Variants in FARS2 observed in about 807,000 individuals in gnomAD.
The protein encoded by FARS2 is phenylalanine--tRNA ligase, mitochondrial.
Under a neutral mutation model 46.4 loss-of-function variants are expected in FARS2, and 40 were observed. That is an observed-to-expected ratio of 0.86 (90% CI 0.67 to 1.12). The LOEUF (loss-of-function observed/expected upper bound fraction) is 1.12, where lower values mean the gene tolerates loss of function less well. FARS2 is among the 50% of genes most tolerant of loss of function. The pLI, the probability that FARS2 is intolerant of heterozygous loss-of-function variation, is 0.00. For missense variants in FARS2, 513 were observed against 567.9 expected (o/e 0.90, Z 0.98); for synonymous variants, 234 against 214.9 (o/e 1.09, Z -0.78).
In FARS2 at chr6:5,263,163, A is replaced by G. The variant is rs567912084; in HGVS notation, c.-22+1503A>G. ...ATTTTGCTTTTGAGAGTAAAGTTGG[A>G]ATAATTACTATATACAATTGTTTCT... On this transcript the variant is annotated intron_variant, in intron 1 of 6. Transcript: ENST00000274680. 2.6e-5 allele frequency among the ~76,000 whole-genome samples: 4 copies of G among 152,368 alleles called. No homozygotes were observed. The East Asian group carries it at 7.7e-4, about 29-fold the overall frequency.
At chr6:5,449,750 G>A (rs1054727250) in intron 4 of FARS2, among the ~76,000 whole-genome samples, 5 of 152,160 alleles carry the variant, frequency 3.3e-5, no homozygotes, top group South Asian at 2.1e-4. Flanking sequence ...TTCGTAATCC[G>A]AAAACTCGAA....
At chr6:5,598,197 G>A (rs1166026409) in intron 5 of FARS2, among the ~76,000 whole-genome samples, 3 of 152,064 alleles carry the variant, frequency 2.0e-5, no homozygotes, top group Admixed American at 6.6e-5. Context: ...GATGAGGCTA[G>A]ACAGCATAGT....
intron 4 of FARS2, among the ~76,000 whole-genome samples, chr6:5,475,060 A>G (rs1333063265): frequency 1.3e-5 from 2 of 152,220 alleles, no homozygotes; most frequent in Non-Finnish European, 2.9e-5. Flanking sequence ...AGGAAGAACC[A>G]TATACAAGGT....
intron 4 of FARS2, among the ~76,000 whole-genome samples, chr6:5,442,133 A>G (rs1763876942): frequency 1.3e-5 from 2 of 151,978 alleles, no homozygotes; most frequent in Non-Finnish European, 2.9e-5. Context: ...ATTAAATCAA[A>G]TGGTATATTG....
chr6:5,561,276 GT>G (rs200892482), intron 5 of FARS2, among the ~76,000 whole-genome samples: 4 of 151,642 alleles, frequency 2.6e-5, no homozygotes, highest in Non-Finnish European at 5.9e-5. Flanking sequence ...TACACACACT[GT>G]TTTTTTTGGC....
chr6:5,484,178 A>T (rs1159916177), intron 4 of FARS2, among the ~76,000 whole-genome samples: 2 of 152,218 alleles, frequency 1.3e-5, no homozygotes, highest in African/African-American at 4.8e-5. Flanking sequence ...TTATTTCTGG[A>T]TGGGCCAAGG....
At chr6:5,668,972 A>G (rs777197546) in intron 6 of FARS2, among the ~76,000 whole-genome samples, 1 of 152,086 alleles carries the variant, frequency 6.6e-6, no homozygotes, top group Non-Finnish European at 1.5e-5. Flanking sequence ...CTGGGATTAC[A>G]GGCATGAGCC....
chr6:5,542,632 A>T (rs1326332078), intron 4 of FARS2, among the ~76,000 whole-genome samples: 1 of 152,178 alleles, frequency 6.6e-6, no homozygotes, highest in Non-Finnish European at 1.5e-5. Context: ...TTCAGACCTT[A>T]CCAAATGTCC....
chr6:5,534,304 T>G (rs761079095), intron 4 of FARS2, among the ~76,000 whole-genome samples: 7 of 152,252 alleles, frequency 4.6e-5, no homozygotes, highest in Non-Finnish European at 7.3e-5. Context: ...ATTAGCCAGT[T>G]AAGCCATTTT....
At chr6:5,548,653 A>C (rs930067735) in intron 5 of FARS2, among the ~76,000 whole-genome samples, 2 of 152,230 alleles carry the variant, frequency 1.3e-5, no homozygotes, top group Non-Finnish European at 1.5e-5. Context: ...AAGATGAAAA[A>C]CACAGTTGCC....
rs369928942 is a variant in FARS2 at position 5,285,522 on chromosome 6, C to T, written c.-22+23862C>T. 5.9e-5 allele frequency among the ~76,000 whole-genome samples: 9 copies of T among 152,294 alleles called. No individual in the cohort carries two copies. In the South Asian group the frequency reaches 1.5e-3, roughly 25 times the overall value. ...GACTCGTAAAGCGTGTAGGAGGACA[C>T]GGAGGACCATGGGGGACTCATCTTT... On this transcript the variant is annotated intron_variant, in intron 1 of 6. Transcript: ENST00000274680.
intron 2 of FARS2, among the ~76,000 whole-genome samples, chr6:5,377,262 C>T (rs565430145): frequency 5.9e-5 from 9 of 152,328 alleles, no homozygotes; most frequent in South Asian, 4.1e-4. Context: ...GGCACCTTGT[C>T]GTGTTTCACC....
At chr6:5,622,341 T>C (rs2150698630) in intron 6 of FARS2, among the ~76,000 whole-genome samples, 4 of 152,354 alleles carry the variant, frequency 2.6e-5, no homozygotes, top group Middle Eastern at 6.8e-3. Context: ...ATTCTTAGCT[T>C]TTATTCTCTA....
Position 5,298,663 on chromosome 6 carries a change from T to G in FARS2, c.-22+37003T>G, listed in dbSNP as rs531890115. Among the ~76,000 whole-genome samples the G allele has an allele frequency of 1.8e-4, 28 of 152,264 alleles. No homozygotes were observed. In the South Asian group the frequency reaches 5.8e-3, roughly 32 times the overall value. ...TGTGGGCCTTGGTCAGTGGGATTTT[T>G]AAAAAGCTTCTGAGGTGATTCTAAT... On this transcript the variant is annotated intron_variant, in intron 1 of 6. Coordinates refer to ENST00000274680, the MANE Select transcript of FARS2 (RefSeq NM_006567.5).
intron 6 of FARS2, among the ~76,000 whole-genome samples, chr6:5,736,822 A>T (rs978119007): frequency 1.3e-5 from 2 of 152,178 alleles, no homozygotes; most frequent in African/African-American, 4.8e-5. Context: ...AGGGAGAGTT[A>T]TCTAAGAGTG....
intron 6 of FARS2, among the ~76,000 whole-genome samples, chr6:5,751,988 G>A (rs141133152): frequency 6.6e-6 from 1 of 152,250 alleles, no homozygotes; most frequent in Non-Finnish European, 1.5e-5. Context: ...GGGTGTCCTG[G>A]GATGCGTCAT....
chr6:5,424,365 T>C (rs115319369), intron 3 of FARS2, among the ~76,000 whole-genome samples: 2,227 of 152,324 alleles, frequency 0.015, 25 homozygotes, highest in Middle Eastern at 0.027. Context: ...TTGCTTTCAG[T>C]AGCACAACAC....
rs751990577 is a variant in FARS2 at position 5,444,466 on chromosome 6, C to CAAAAAA, written c.904+13316_904+13321dup. Among the ~76,000 whole-genome samples the CAAAAAA allele has an allele frequency of 2.2e-5, 2 of 91,476 alleles. 1 individual carries two copies. Among genetic ancestry groups the CAAAAAA allele is most frequent in the African/African-American group, 9.8e-5 (2 of 20,350 alleles). 60.0% of individuals were successfully genotyped at this position (91,476 alleles called of 152,430 possible). On this transcript the variant is annotated intron_variant, in intron 4 of 6. Transcript: ENST00000274680. ...TGGGTGACAAGGCGTGACTCTGTCT[C>CAAAAAA]AAAAAAAAAAAAAAAAAAAAAAAAA...
At chr6:5,580,511 C>T (rs192206161) in intron 5 of FARS2, among the ~76,000 whole-genome samples, 1 of 152,146 alleles carries the variant, frequency 6.6e-6, no homozygotes, top group South Asian at 2.1e-4. Flanking sequence ...CAGCTGCACC[C>T]ACCTAAAGCC....
Sources: allele counts gnomAD v4.1 joint callset (sites outside exome capture counted in the v4.1 genomes callset), GRCh38; gene constraint gnomAD v4.1.1; transcripts MANE v1.5; gene names NCBI Gene and HGNC (gene_info 2026-07-23, HGNC 2026-07-21).